AOAH: variants seen among roughly 807,000 people sequenced by gnomAD.
AOAH encodes acyloxyacyl hydrolase.
Under a neutral mutation model 92.2 loss-of-function variants are expected in AOAH, and 64 were observed. That is an observed-to-expected ratio of 0.69 (90% CI 0.57 to 0.86). The LOEUF (loss-of-function observed/expected upper bound fraction) is 0.86. Ranked by LOEUF, AOAH falls within the 40% of genes least tolerant of loss-of-function variation. The probability of loss-of-function intolerance (pLI) is 0.00; values close to 1 mark genes in which losing one functional copy is unlikely to be tolerated. For missense variants in AOAH, 656 were observed against 694.6 expected, an observed-to-expected ratio of 0.94 and a Z score of 0.62; for synonymous variants, 263 against 254.5, an observed-to-expected ratio of 1.03 and a Z score of -0.32.
chr7:36,632,455 A>ATAAT lies in AOAH; in HGVS notation c.451-353_451-350dup, dbSNP rs530772850. ...AAAATAAAGAAGATTTTCAAACAAA[A>ATAAT]TAATTCCATCTCATTATGGAAATAA... On this transcript the variant is annotated intron_variant, in intron 5 of 20. Transcript: ENST00000617537. Among the ~76,000 whole-genome samples the ATAAT allele has an allele frequency of 2.0e-5, 3 of 152,326 alleles. No individual in the cohort carries two copies. The East Asian group carries it at 5.8e-4, about 29-fold the overall frequency.
chr7:36,686,975 T>G (rs1229835070), intron 1 of AOAH, among the ~76,000 whole-genome samples, 181 bp from the exon 2 acceptor site: 4 of 152,144 alleles, frequency 2.6e-5, no homozygotes, highest in Non-Finnish European at 5.9e-5. Context: ...ACAGCCCACA[T>G]GGAGCAGAAG....
intron 12 of AOAH, among the ~76,000 whole-genome samples, chr7:36,591,100 T>C (rs1789712375): frequency 6.6e-6 from 1 of 152,208 alleles, no homozygotes. Flanking sequence ...GAGAATTTCC[T>C]TTTCCATTAA....
At chr7:36,622,940 G>C (rs1792387855) in intron 7 of AOAH, among the ~76,000 whole-genome samples, 1 of 152,112 alleles carries the variant, frequency 6.6e-6, no homozygotes, top group Admixed American at 6.5e-5. Flanking sequence ...CAGCTACTTG[G>C]GAGGCACGAG....
chr7:36,592,433 C>T (rs1021608726), intron 12 of AOAH, among the ~76,000 whole-genome samples: 26 of 152,160 alleles, frequency 1.7e-4, no homozygotes, highest in Non-Finnish European at 3.5e-4. Flanking sequence ...TGAAATAGTG[C>T]AGGCCACACC....
chr7:36,675,606 C>A (rs891462805), intron 2 of AOAH, among the ~76,000 whole-genome samples: 1 of 152,162 alleles, frequency 6.6e-6, no homozygotes, highest in Non-Finnish European at 1.5e-5. Context: ...ATCAAGAATT[C>A]TTCCAAAAAA....
At chr7:36,624,389 C>T (rs528738841) in intron 6 of AOAH, among the ~76,000 whole-genome samples, 13 of 152,296 alleles carry the variant, frequency 8.5e-5, no homozygotes, top group African/African-American at 3.1e-4. Context: ...ATAAATGCAA[C>T]CCAAGACCAT....
intron 13 of AOAH, among the ~76,000 whole-genome samples, chr7:36,574,176 T>C (rs1788330101): frequency 6.6e-6 from 1 of 152,130 alleles, no homozygotes; most frequent in African/African-American, 2.4e-5. Context: ...CTTAGAAAAA[T>C]AGTCGAGGAT....
intron 1 of AOAH, among the ~76,000 whole-genome samples, chr7:36,709,690 A>ATT (rs11389967): frequency 5.0e-4 from 75 of 150,950 alleles, no homozygotes; most frequent in Admixed American, 8.6e-4. Context: ...TAAAAGACAG[A>ATT]TTTTTTTTTT....
chr7:36,709,651 T>C (rs1395253324), intron 1 of AOAH, among the ~76,000 whole-genome samples: 1 of 151,678 alleles, frequency 6.6e-6, no homozygotes, highest in Admixed American at 6.6e-5. Flanking sequence ...TAATTACATC[T>C]GCATTTTGTT....
intron 11 of AOAH, among the ~76,000 whole-genome samples, chr7:36,600,642 G>A (rs1790501088): frequency 6.6e-6 from 1 of 152,136 alleles, no homozygotes; most frequent in Non-Finnish European, 1.5e-5. Flanking sequence ...AAAGGGAGAG[G>A]TGTAGAGCAG....
chr7:36,653,147 G>A (rs1435798622), intron 4 of AOAH, among the ~76,000 whole-genome samples: 4 of 152,142 alleles, frequency 2.6e-5, no homozygotes, highest in Non-Finnish European at 5.9e-5. Flanking sequence ...GGGGAGACTA[G>A]ACAATAACAC....
chr7:36,714,676 T>C (rs1291442510), intron 1 of AOAH, among the ~76,000 whole-genome samples: 1 of 152,136 alleles, frequency 6.6e-6, no homozygotes, highest in Non-Finnish European at 1.5e-5. Context: ...GTTCAACATA[T>C]GTAAATCAAT....
intron 1 of AOAH, among the ~76,000 whole-genome samples, chr7:36,696,643 T>A (rs1008502416): frequency 2.0e-5 from 3 of 151,876 alleles, no homozygotes. Flanking sequence ...GGGTGGATCA[T>A]GAGGTCAGGA....
intron 13 of AOAH, among the ~76,000 whole-genome samples, chr7:36,566,796 G>T (rs1164959015): frequency 6.6e-6 from 1 of 152,092 alleles, no homozygotes; most frequent in East Asian, 1.9e-4. Flanking sequence ...CCTCACGTAA[G>T]CATGCGTGTA....
chr7:36,694,944 G>A (rs557062601), intron 1 of AOAH, among the ~76,000 whole-genome samples: 181 of 98,412 alleles, frequency 1.8e-3, no homozygotes, highest in African/African-American at 6.4e-3. Context: ...GAGAGAGGGA[G>A]AGAAAGAGAG....
intron 13 of AOAH, among the ~76,000 whole-genome samples, chr7:36,576,057 C>G (rs543391362): frequency 1.3e-5 from 2 of 152,166 alleles, no homozygotes; most frequent in Non-Finnish European, 2.9e-5. Context: ...ATTCATTAGG[C>G]ATTAGCCAGG....
chr7:36,560,625 C>G (rs1034138499), intron 13 of AOAH, among the ~76,000 whole-genome samples: 1 of 152,028 alleles, frequency 6.6e-6, no homozygotes, highest in Non-Finnish European at 1.5e-5. Flanking sequence ...GTTCCAGGAG[C>G]CTTTTAGTGT....
At chr7:36,599,697 G>A (rs1268723299) in intron 11 of AOAH, 1 of 152,160 alleles carries the variant, frequency 6.6e-6, no homozygotes, top group Non-Finnish European at 1.5e-5. Context: ...TTTTAATAAC[G>A]CTGGAGAGTT....
chr7:36,690,109 T>C (rs974866896), intron 1 of AOAH: 1 of 445,204 alleles, frequency 2.2e-6, no homozygotes, highest in Non-Finnish European at 4.5e-6. Context: ...ATATGGGCTT[T>C]TCTTCTGAAT....
Sources: gnomAD v4.1 joint callset for allele counts (sites outside exome capture counted in the v4.1 genomes callset) on GRCh38, gnomAD v4.1.1 for gene constraint, MANE v1.5 for transcripts, NCBI Gene and HGNC (gene_info 2026-07-23, HGNC 2026-07-21) for gene names.